Variants in DPH6 observed in about 807,000 individuals in gnomAD.
The protein encoded by DPH6 is diphthamine biosynthesis 6.
In DPH6, 33 loss-of-function variants were observed where a neutral mutation model predicts 38.2. That is an observed-to-expected ratio of 0.86 (90% CI 0.65 to 1.15). The LOEUF is 1.15. Ranked by LOEUF, DPH6 falls within the 50% of genes most tolerant of loss-of-function variation. DPH6 has a pLI of 0.00. For synonymous variants in DPH6, 108 were observed against 103.0 expected (o/e 1.05, Z -0.30); for missense variants, 325 against 320.0 (o/e 1.02, Z -0.12).
At chr15:35,215,376 CTATT>C (rs1424694159), downstream of DPH6, among the ~76,000 whole-genome samples, 1 of 152,104 alleles carries the variant, frequency 6.6e-6, no homozygotes, top group African/African-American at 2.4e-5. Context: ...ATAACCTAAA[CTATT>C]TATTTTGGTG....
chr15:35,180,206 G>T, the DPH6 span, among the ~76,000 whole-genome samples: 5 of 151,846 alleles, frequency 3.3e-5, no homozygotes, highest in Non-Finnish European at 7.4e-5. Flanking sequence ...GAAAAAAAGT[G>T]ATTAAAAAAA....
At chr15:35,377,278 T>C (rs1422732950) in intron 7 of DPH6, among the ~76,000 whole-genome samples, 2 of 152,062 alleles carry the variant, frequency 1.3e-5, no homozygotes, top group Non-Finnish European at 2.9e-5. Context: ...ACCATAGGAT[T>C]TGGTTCTTCC....
the DPH6 span, among the ~76,000 whole-genome samples, chr15:35,151,130 G>A: frequency 6.6e-6 from 1 of 152,332 alleles, no homozygotes; most frequent in Non-Finnish European, 1.5e-5. Flanking sequence ...ACCCGGGGAA[G>A]TGGGTTTGAC....
chr15:35,491,146 AAC>A (rs2062183261), intron 3 of DPH6, among the ~76,000 whole-genome samples: 1 of 152,124 alleles, frequency 6.6e-6, no homozygotes, highest in South Asian at 2.1e-4. Context: ...AGGACATTCA[AAC>A]ACTAGCAGAA....
intron 3 of DPH6, among the ~76,000 whole-genome samples, chr15:35,504,598 C>T (rs1417890603): frequency 6.6e-6 from 1 of 151,826 alleles, no homozygotes; most frequent in Non-Finnish European, 1.5e-5. Flanking sequence ...TAGTTATATC[C>T]CATACCCAGA....
intron 5 of DPH6, among the ~76,000 whole-genome samples, chr15:35,419,538 G>A (rs749140403): frequency 2.6e-5 from 4 of 152,000 alleles, no homozygotes; most frequent in Non-Finnish European, 5.9e-5. Context: ...CAAACTATAT[G>A]CTGCCTACAA....
chr15:35,418,381 CAA>C (rs2053462389), intron 5 of DPH6, among the ~76,000 whole-genome samples: 1 of 152,048 alleles, frequency 6.6e-6, no homozygotes, highest in South Asian at 2.1e-4. Flanking sequence ...GAGTTACTAA[CAA>C]TATTTTTGCC....
chr15:35,411,971 A>G (rs908975861), intron 5 of DPH6, among the ~76,000 whole-genome samples: 17 of 151,872 alleles, frequency 1.1e-4, no homozygotes, highest in Admixed American at 8.6e-4. Context: ...ATACCTCACC[A>G]AAAGCACGAT....
intron 3 of DPH6, among the ~76,000 whole-genome samples, chr15:35,333,971 G>GC (rs2052347792): frequency 6.6e-6 from 1 of 152,102 alleles, no homozygotes; most frequent in Non-Finnish European, 1.5e-5. Context: ...CTTGTCCTTT[G>GC]CAGGGACATG....
At chr15:35,263,505 C>T (rs892042992) in intron 3 of DPH6, among the ~76,000 whole-genome samples, 203 of 149,264 alleles carry the variant, frequency 1.4e-3, no homozygotes, top group Non-Finnish European at 2.4e-3. Flanking sequence ...TGGACTCAAG[C>T]GATCCTCCTG....
rs144216929 is a variant in DPH6 at position 35,358,216 on chromosome 15, A to G, written n.207+15305T>C. On this transcript the variant is annotated intron_variant and non_coding_transcript_variant, in intron 3 of 3. Transcript: ENST00000558973. Reference sequence around the variant, plus strand: ...TTCACATTTCTAACAGTGTGTCTAAAGTTTTCTGAATTTTTGATTTTTTTT... The same window carrying G: ...TTCACATTTCTAACAGTGTGTCTAAGGTTTTCTGAATTTTTGATTTTTTTT... Among the ~76,000 whole-genome samples, 47 of 151,810 alleles carry G rather than the reference A, an allele frequency of 3.1e-4. 1 individual carries two copies. The East Asian group carries it at 8.9e-3, about 29-fold the overall frequency.
the DPH6 span, among the ~76,000 whole-genome samples, chr15:35,194,362 C>T: frequency 2.1e-5 from 3 of 140,014 alleles, no homozygotes; most frequent in South Asian, 4.4e-4. Context: ...GAGAGTCTTC[C>T]TTTTTCCAGA....
chr15:35,356,117 G>A (rs373719783), intron 3 of DPH6, among the ~76,000 whole-genome samples: 4 of 152,222 alleles, frequency 2.6e-5, no homozygotes, highest in Admixed American at 6.5e-5. Flanking sequence ...TTCTCGTGCC[G>A]TAGTTTTCAG....
chr15:35,229,107 TTC>T (rs1205249549), intron 3 of DPH6, among the ~76,000 whole-genome samples: 1 of 152,148 alleles, frequency 6.6e-6, no homozygotes, highest in Non-Finnish European at 1.5e-5. Flanking sequence ...GTTTGAAAAA[TTC>T]TCTGTTATTA....
chr15:35,488,627 C>T (rs2054435896), intron 3 of DPH6, among the ~76,000 whole-genome samples: 1 of 151,950 alleles, frequency 6.6e-6, no homozygotes, highest in South Asian at 2.1e-4. Context: ...CCTCCTCTGA[C>T]ACATGGGGAT....
At chr15:35,230,374 G>C (rs1344575787) in intron 3 of DPH6, among the ~76,000 whole-genome samples, 4 of 152,130 alleles carry the variant, frequency 2.6e-5, no homozygotes, top group Admixed American at 2.6e-4. Context: ...TCTTCAGTTA[G>C]CTTGTGGTGA....
At chr15:35,150,525 C>T in the DPH6 span, among the ~76,000 whole-genome samples, 1 of 152,146 alleles carries the variant, frequency 6.6e-6, no homozygotes, top group Non-Finnish European at 1.5e-5. Context: ...ACTATTTGGC[C>T]ATGGATCATG....
the DPH6 span, among the ~76,000 whole-genome samples, chr15:35,209,613 G>A: frequency 1.3e-5 from 2 of 152,056 alleles, no homozygotes; most frequent in African/African-American, 4.8e-5. Context: ...TGTGATACAT[G>A]GGCAGAAATA....
intron 3 of DPH6, among the ~76,000 whole-genome samples, chr15:35,304,203 G>T (rs777563356): frequency 1.3e-5 from 2 of 152,094 alleles, no homozygotes; most frequent in Non-Finnish European, 2.9e-5. Context: ...ACAGAAAATT[G>T]AGAGACACTA....
Sources: allele counts gnomAD v4.1 joint callset (sites outside exome capture counted in the v4.1 genomes callset), GRCh38; gene constraint gnomAD v4.1.1; transcripts MANE v1.5; gene names NCBI Gene and HGNC (gene_info 2026-07-23, HGNC 2026-07-21).